Variants in TANC1 observed in about 807,000 individuals in gnomAD.
The protein encoded by TANC1 is protein TANC1.
Under a neutral mutation model 149.7 loss-of-function variants are expected in TANC1, and 77 were observed. That is an observed-to-expected ratio of 0.51 (90% CI 0.43 to 0.62). TANC1 has a LOEUF of 0.62. Among genes scored for constraint, TANC1 ranks in the 20% least tolerant of loss-of-function variants. The pLI is 0.00. For synonymous variants in TANC1, 854 were observed against 925.0 expected (o/e 0.92, Z 1.39); for missense variants, 1,985 against 2,321.8 (o/e 0.85, Z 2.98).
intron 12 of TANC1, 51 bp downstream of exon 12, chr2:159,175,235 C>A: frequency 6.8e-7 from 1 of 1,475,970 alleles, no homozygotes; most frequent in Non-Finnish European, 9.4e-7. Flanking sequence ...GTACAGCAGA[C>A]ACAGGTGGTC....
chr2:159,220,004 G>C, intron 22 of TANC1, 137 bp downstream of exon 22: 1 of 725,506 alleles, frequency 1.4e-6, no homozygotes, highest in East Asian at 2.8e-5. Context: ...GTGTGTGTGT[G>C]TGTGTGTGTG....
At chr2:159,118,822 A>G (rs1291227333) in intron 4 of TANC1, among the ~76,000 whole-genome samples, 2 of 152,098 alleles carry the variant, frequency 1.3e-5, no homozygotes, top group Non-Finnish European at 2.9e-5. Context: ...TGTGATTCTT[A>G]CCCTGTCTGC....
intron 3 of TANC1, among the ~76,000 whole-genome samples, chr2:159,097,112 G>A (rs2046222849): frequency 6.6e-6 from 1 of 152,146 alleles, no homozygotes; most frequent in Admixed American, 6.5e-5. Context: ...GTGGCCCTGT[G>A]TCATGGGGAG....
chr2:159,096,362 T>C (rs1475755696), intron 3 of TANC1, among the ~76,000 whole-genome samples: 4 of 151,080 alleles, frequency 2.6e-5, no homozygotes, highest in Non-Finnish European at 4.4e-5. Flanking sequence ...TTTTTTAACA[T>C]TGTGATTACA....
At chr2:159,085,627 C>T (rs1037461177) in intron 3 of TANC1, among the ~76,000 whole-genome samples, 2 of 152,110 alleles carry the variant, frequency 1.3e-5, no homozygotes, top group African/African-American at 4.8e-5. Flanking sequence ...CTCAGGAAGC[C>T]TTTATTCCTG....
intron 4 of TANC1, among the ~76,000 whole-genome samples, chr2:159,135,039 C>A (rs182798670): frequency 6.6e-6 from 1 of 152,244 alleles, no homozygotes; most frequent in Admixed American, 6.5e-5. Flanking sequence ...ATCCCTACAA[C>A]CTAATTTTAG....
At chr2:159,175,268 G>A (rs910797180) in intron 12 of TANC1, 84 bp downstream of exon 12, 27 of 1,120,722 alleles carry the variant, frequency 2.4e-5, no homozygotes, top group South Asian at 1.8e-4. Context: ...GTGGTCAGCC[G>A]GGCTGGGGTA....
chr2:158,982,170 C>T (rs1428151563), intron 1 of TANC1, among the ~76,000 whole-genome samples: 1 of 152,010 alleles, frequency 6.6e-6, no homozygotes, highest in African/African-American at 2.4e-5. Flanking sequence ...TAAGCAGCTC[C>T]CAGCGCATTC....
intron 20 of TANC1, 111 bp from the exon 21 acceptor site, chr2:159,219,127 T>A (rs1196309304): frequency 4.2e-6 from 6 of 1,431,254 alleles, no homozygotes; most frequent in Non-Finnish European, 5.9e-6. Context: ...ACTTACAGAT[T>A]TTTGAAAGAA....
rs539482451 is a variant in TANC1 at position 159,020,091 on chromosome 2, A to T, written c.-16+18902A>T. On this transcript the variant is annotated intron_variant, in intron 2 of 26. Transcript: ENST00000263635. ...GTTTCATTACGGACTCCTTTGAATTAACAATTCTGACTAGAATAGGACTTT... is the reference window on the plus strand; with the variant it reads ...GTTTCATTACGGACTCCTTTGAATTTACAATTCTGACTAGAATAGGACTTT... Among the ~76,000 whole-genome samples, 3 of 152,286 alleles carry T rather than the reference A, an allele frequency of 2.0e-5. No homozygotes were observed. In the East Asian group the frequency reaches 5.8e-4, roughly 29 times the overall value.
intron 2 of TANC1, among the ~76,000 whole-genome samples, chr2:159,023,346 T>C (rs1052580859): frequency 2.0e-5 from 3 of 151,894 alleles, no homozygotes; most frequent in Non-Finnish European, 4.4e-5. Flanking sequence ...ATGGCCTTTT[T>C]TTTTCTTTTT....
At chr2:159,126,666 A>G (rs556957385) in intron 4 of TANC1, among the ~76,000 whole-genome samples, 2 of 152,378 alleles carry the variant, frequency 1.3e-5, no homozygotes, top group East Asian at 3.9e-4. Flanking sequence ...AAAGCTGGTT[A>G]ACTACTCTTG....
At chr2:159,175,701 G>C (rs2150515132) in intron 12 of TANC1, among the ~76,000 whole-genome samples, 1 of 152,308 alleles carries the variant, frequency 6.6e-6, no homozygotes, top group East Asian at 1.9e-4. Context: ...CTCTGCCCTG[G>C]ACTCCTCACC....
chr2:159,043,982 A>G (rs1203990018), intron 2 of TANC1, among the ~76,000 whole-genome samples: 1 of 152,142 alleles, frequency 6.6e-6, no homozygotes, highest in Non-Finnish European at 1.5e-5. Flanking sequence ...TGCCCGTTCT[A>G]CAGACTGTCC....
chr2:159,138,221 C>T (rs1333296434), intron 5 of TANC1, among the ~76,000 whole-genome samples: 3 of 152,088 alleles, frequency 2.0e-5, no homozygotes, highest in Non-Finnish European at 2.9e-5. Flanking sequence ...CCAGACATTT[C>T]GGTTTCGCCT....
At chr2:158,992,766 C>T (rs1031787208) in intron 1 of TANC1, among the ~76,000 whole-genome samples, 17 of 151,572 alleles carry the variant, frequency 1.1e-4, no homozygotes, top group Admixed American at 4.0e-4. Context: ...GTGATCCACC[C>T]GCCTCGGCTT....
In TANC1 at chr2:159,173,734, C is replaced by T. The variant is rs146944591; in HGVS notation, c.1504-1219C>T. ...ATGGTTTGCACAAGCTTACAGGATC[C>T]TCACATGTATCCCTGCTAATTTCTG... On this transcript the variant is annotated intron_variant, in intron 11 of 26. Coordinates refer to ENST00000263635, the MANE Select transcript of TANC1 (RefSeq NM_033394.3). 2.5e-3 allele frequency among the ~76,000 whole-genome samples: 383 copies of T among 152,330 alleles called. 1 individual carries two copies. The highest frequency in any genetic ancestry group is 8.9e-3 in the African/African-American group (370 of 41,572).
chr2:159,173,354 G>C (rs1228880487), intron 11 of TANC1, among the ~76,000 whole-genome samples: 1 of 152,182 alleles, frequency 6.6e-6, no homozygotes, highest in Non-Finnish European at 1.5e-5. Flanking sequence ...TGTAATCCCA[G>C]CACTTTGGGA....
At position 159,049,590 on chromosome 2, in the gene TANC1, C is replaced by T. The variant is rs184407857; in HGVS notation, c.-15-16306C>T. The stretch of plus-strand genomic sequence containing the variant: ...GATGCACTTAACTGGCCTAACGTTA[C>T]AGGTTTCAGCCTGAAGTCCACCCAA... On this transcript the variant is annotated intron_variant, in intron 2 of 26. Coordinates refer to ENST00000263635, the MANE Select transcript of TANC1 (RefSeq NM_033394.3). 4.5e-3 allele frequency among the ~76,000 whole-genome samples: 684 copies of T among 152,268 alleles called. 5 individuals carry two copies. Among genetic ancestry groups the T allele is most frequent in the African/African-American group, 0.015 (636 of 41,550 alleles).
Sources: allele counts gnomAD v4.1 joint callset (sites outside exome capture counted in the v4.1 genomes callset), GRCh38; gene constraint gnomAD v4.1.1; transcripts MANE v1.5; gene names NCBI Gene and HGNC (gene_info 2026-07-23, HGNC 2026-07-21).